Variants in CNTN4 observed in about 807,000 individuals in gnomAD.
CNTN4 encodes contactin-4.
A neutral mutation model predicts 122.5 loss-of-function variants in CNTN4; 77 were observed. That is an observed-to-expected ratio of 0.63 (90% CI 0.52 to 0.76). CNTN4 has a LOEUF of 0.76. CNTN4 is among the 30% of genes least tolerant of loss of function. The pLI, the probability that CNTN4 is intolerant of heterozygous loss-of-function variation, is 0.00. For missense variants in CNTN4, 1,256 were observed against 1,259.1 expected (o/e 1.00, Z 0.04); for synonymous variants, 512 against 447.0 (o/e 1.15, Z -1.83).
At chr3:2,160,650 G>A (rs185219928) in intron 2 of CNTN4, among the ~76,000 whole-genome samples, 34 of 152,230 alleles carry the variant, frequency 2.2e-4, no homozygotes, top group African/African-American at 7.5e-4. Flanking sequence ...GTCTATGTTT[G>A]TGTCATCACA....
intron 2 of CNTN4, among the ~76,000 whole-genome samples, chr3:2,224,087 T>C (rs1156773899): frequency 6.6e-6 from 1 of 152,170 alleles, no homozygotes; most frequent in Admixed American, 6.5e-5. Flanking sequence ...TATTTTTTAC[T>C]AACGTAGATT....
intron 5 of CNTN4, among the ~76,000 whole-genome samples, chr3:2,739,939 G>T (rs2089362267): frequency 6.6e-6 from 1 of 152,188 alleles, no homozygotes; most frequent in Non-Finnish European, 1.5e-5. Flanking sequence ...AATATAGAAA[G>T]GACATCTTTG....
At chr3:3,006,444 T>C (rs1696655829) in intron 14 of CNTN4, among the ~76,000 whole-genome samples, 1 of 152,182 alleles carries the variant, frequency 6.6e-6, no homozygotes. Context: ...GATTCATAAA[T>C]TGCCCCAACT....
intron 2 of CNTN4, among the ~76,000 whole-genome samples, chr3:2,318,091 A>T (rs2043169682): frequency 6.6e-6 from 1 of 152,116 alleles, no homozygotes; most frequent in Non-Finnish European, 1.5e-5. Flanking sequence ...TCTCGCCTGT[A>T]GTTCCAGCTA....
intron 4 of CNTN4, among the ~76,000 whole-genome samples, chr3:2,668,672 G>T (rs375676286): frequency 6.6e-6 from 1 of 152,122 alleles, no homozygotes; most frequent in Non-Finnish European, 1.5e-5. Flanking sequence ...TCTTGTGCCA[G>T]TTTTCAAAGG....
chr3:2,835,343 A>T (rs909304764), intron 7 of CNTN4, among the ~76,000 whole-genome samples: 1 of 152,214 alleles, frequency 6.6e-6, no homozygotes, highest in Non-Finnish European at 1.5e-5. Context: ...TTACTAATGC[A>T]TATTTGTTAC....
intron 6 of CNTN4, among the ~76,000 whole-genome samples, chr3:2,807,951 C>T (rs1376213521): frequency 6.6e-6 from 1 of 152,156 alleles, no homozygotes; most frequent in Non-Finnish European, 1.5e-5. Flanking sequence ...ATTACTTGAA[C>T]ATCGATCTAG....
chr3:2,231,209 A>G (rs187832171), intron 2 of CNTN4, among the ~76,000 whole-genome samples: 16 of 152,272 alleles, frequency 1.1e-4, no homozygotes, highest in Admixed American at 3.3e-4. Context: ...TAAATCTTCA[A>G]TTCATACTAG....
chr3:2,954,597 T>A (rs1484180849), intron 13 of CNTN4, among the ~76,000 whole-genome samples: 1 of 151,986 alleles, frequency 6.6e-6, no homozygotes, highest in Non-Finnish European at 1.5e-5. Flanking sequence ...CTGATTTTTC[T>A]CTCCCCCTTT....
At chr3:2,124,433 AACACACACACAC>A (rs60760373) in intron 2 of CNTN4, among the ~76,000 whole-genome samples, 13 of 123,816 alleles carry the variant, frequency 1.0e-4, no homozygotes, top group East Asian at 3.0e-4. Context: ...ATTTATTTAA[AACACACACACAC>A]ACACACACAC....
intron 2 of CNTN4, among the ~76,000 whole-genome samples, chr3:2,300,544 T>C (rs1043349637): frequency 3.3e-5 from 5 of 151,384 alleles, no homozygotes; most frequent in South Asian, 2.1e-4. Flanking sequence ...GATGAGTTTA[T>C]TTACACAGTG....
At chr3:2,238,157 A>G (rs1350017380) in intron 2 of CNTN4, among the ~76,000 whole-genome samples, 1 of 152,110 alleles carries the variant, frequency 6.6e-6, no homozygotes, top group African/African-American at 2.4e-5. Context: ...GGAATAACGT[A>G]TTTTGGGATA....
intron 2 of CNTN4, among the ~76,000 whole-genome samples, chr3:2,147,821 T>G (rs1254137586): frequency 6.6e-6 from 1 of 152,238 alleles, no homozygotes; most frequent in African/African-American, 2.4e-5. Context: ...GCCTGTCTTT[T>G]TCCAAATGGA....
intron 10 of CNTN4, among the ~76,000 whole-genome samples, chr3:2,898,905 T>G (rs2094142956): frequency 6.6e-6 from 1 of 152,182 alleles, no homozygotes; most frequent in South Asian, 2.1e-4. Context: ...CAGAGAACCT[T>G]TTTAGCTTCC....
At chr3:2,958,047 A>G (rs1396586312) in intron 13 of CNTN4, among the ~76,000 whole-genome samples, 1 of 152,114 alleles carries the variant, frequency 6.6e-6, no homozygotes, top group Non-Finnish European at 1.5e-5. Context: ...TTTCTAATTT[A>G]GTATTTCTCT....
At chr3:2,904,979 G>A (rs959450352) in intron 12 of CNTN4, among the ~76,000 whole-genome samples, 6 of 152,116 alleles carry the variant, frequency 3.9e-5, no homozygotes, top group African/African-American at 1.4e-4. Flanking sequence ...GCTGCTTAAT[G>A]ATTTATATCT....
At chr3:2,568,335 AAAAAAC>A (rs1462827386) in intron 3 of CNTN4, among the ~76,000 whole-genome samples, 3 of 151,228 alleles carry the variant, frequency 2.0e-5, no homozygotes, top group Non-Finnish European at 2.9e-5. Context: ...AAAAAAAAAA[AAAAAAC>A]CACCCTGTAC....
chr3:2,623,974 A>T lies in CNTN4; in HGVS notation c.55+52416A>T, dbSNP rs574951386. Among the ~76,000 whole-genome samples, 5 of 152,330 alleles carry T rather than the reference A, an allele frequency of 3.3e-5. No homozygotes were observed. In the South Asian group the frequency reaches 1.0e-3, roughly 32 times the overall value. On this transcript the variant is annotated intron_variant, in intron 4 of 24. Transcript: ENST00000418658. ...AGCTGTTTCTTCAATTATTAATGAG[A>T]TAATCATGGAATTTTGATCAGCTAC...
At chr3:2,825,610 G>T (rs536500843) in intron 7 of CNTN4, among the ~76,000 whole-genome samples, 13 of 152,232 alleles carry the variant, frequency 8.5e-5, no homozygotes, top group African/African-American at 3.1e-4. Context: ...GATTCCTTGA[G>T]CCTAGCAGTT....
Sources: gnomAD v4.1 joint callset for allele counts (sites outside exome capture counted in the v4.1 genomes callset) on GRCh38, gnomAD v4.1.1 for gene constraint, MANE v1.5 for transcripts, NCBI Gene and HGNC (gene_info 2026-07-23, HGNC 2026-07-21) for gene names.